Variants in HDAC9 observed in about 807,000 individuals in gnomAD.
HDAC9 encodes the protein histone deacetylase 9, also known as MEF-2 interacting transcription repressor (MITR) protein.
A neutral mutation model predicts 139.4 loss-of-function variants in HDAC9; 41 were observed. The observed-to-expected ratio is 0.29, with a 90% CI of 0.23 to 0.38. The LOEUF (loss-of-function observed/expected upper bound fraction) is 0.38. HDAC9 is among the 10% of genes least tolerant of loss of function. The pLI is 1.00. For missense variants in HDAC9, 1,147 were observed against 1,297.0 expected (o/e 0.88, Z 1.78); for synonymous variants, 517 against 476.2 (o/e 1.09, Z -1.12).
intron 12 of HDAC9, among the ~76,000 whole-genome samples, chr7:18,701,411 AC>A (rs1380517677): frequency 0.1 from 13,906 of 132,672 alleles, 717 homozygotes; most frequent in African/African-American, 0.17. Context: ...AAAAAACAAA[AC>A]AAACAAAAAA....
At chr7:18,957,095 A>G (rs1783204910) in intron 24 of HDAC9, among the ~76,000 whole-genome samples, 1 of 151,824 alleles carries the variant, frequency 6.6e-6, no homozygotes, top group Non-Finnish European at 1.5e-5. Flanking sequence ...ATGTCAGTTG[A>G]GAGGGCTCTG....
intron 21 of HDAC9, among the ~76,000 whole-genome samples, chr7:18,841,826 T>C (rs564462841): frequency 1.3e-4 from 20 of 152,256 alleles, no homozygotes; most frequent in African/African-American, 4.8e-4. Flanking sequence ...TCTCCTCATC[T>C]GACATAGTAA....
intron 2 of HDAC9, among the ~76,000 whole-genome samples, chr7:18,537,976 G>A (rs1436161598): frequency 9.2e-5 from 14 of 152,166 alleles, no homozygotes; most frequent in Admixed American, 7.2e-4. Context: ...TGTGCCCAAC[G>A]TGACCTCTGC....
intron 2 of HDAC9, among the ~76,000 whole-genome samples, chr7:18,555,233 A>T (rs758659262): frequency 1.2e-4 from 19 of 152,198 alleles, no homozygotes; most frequent in Non-Finnish European, 2.4e-4. Context: ...TTACAAGTTC[A>T]TGGTATTTGA....
At chr7:18,459,467 G>A (rs963945403) in intron 1 of HDAC9, among the ~76,000 whole-genome samples, 2 of 151,278 alleles carry the variant, frequency 1.3e-5, no homozygotes, top group African/African-American at 2.4e-5. Flanking sequence ...TATTTTTCTA[G>A]TTTTTTTTTA....
chr7:18,296,568 T>C (rs1585047474), intron 1 of HDAC9, among the ~76,000 whole-genome samples: 1 of 152,290 alleles, frequency 6.6e-6, no homozygotes, highest in East Asian at 1.9e-4. Context: ...AAATATTTTG[T>C]TTCTTGTTTC....
chr7:18,345,472 C>T (rs376736153), intron 1 of HDAC9, among the ~76,000 whole-genome samples: 3 of 151,090 alleles, frequency 2.0e-5, no homozygotes, highest in African/African-American at 4.9e-5. Context: ...AACCACACAG[C>T]GGGATTCAAA....
chr7:18,560,707 C>T (rs945204316), intron 2 of HDAC9, among the ~76,000 whole-genome samples: 2 of 152,104 alleles, frequency 1.3e-5, no homozygotes, highest in Non-Finnish European at 1.5e-5. Flanking sequence ...TAAGCACCCT[C>T]ATTAAAGGCC....
At position 18,975,560 on chromosome 7, in the gene HDAC9, T is replaced by C. The variant is rs565940705; in HGVS notation, c.3023-246T>C. ...GAGGGTGAGTTCAGTAGGCCATGGA[T>C]TATTCCTCACTTTATTGCTGTGTAA... On this transcript the variant is annotated intron_variant, in intron 24 of 25. Coordinates refer to ENST00000686413, the MANE Select transcript of HDAC9 (RefSeq NM_178425.4). Among the ~76,000 whole-genome samples, 4 of 152,280 alleles carry C rather than the reference T, an allele frequency of 2.6e-5. No homozygotes were observed. In the East Asian group the frequency reaches 7.7e-4, roughly 29 times the overall value.
intron 12 of HDAC9, among the ~76,000 whole-genome samples, chr7:18,688,182 A>C (rs911219806): frequency 2.6e-5 from 4 of 151,818 alleles, no homozygotes; most frequent in African/African-American, 9.7e-5. Context: ...TTAGTTTTCA[A>C]CAAGTGGAAT....
chr7:18,735,419 G>GT (rs1292175457), intron 13 of HDAC9, among the ~76,000 whole-genome samples: 1 of 149,600 alleles, frequency 6.7e-6, no homozygotes, highest in African/African-American at 2.6e-5. Context: ...TGTATAAGGT[G>GT]TAAGGAAGGG....
At chr7:18,403,895 A>G (rs1000107589) in intron 1 of HDAC9, among the ~76,000 whole-genome samples, 4 of 152,218 alleles carry the variant, frequency 2.6e-5, no homozygotes, top group African/African-American at 9.7e-5. Flanking sequence ...TACCCTGGGT[A>G]GGGCAGGGTA....
intron 1 of HDAC9, among the ~76,000 whole-genome samples, chr7:18,118,317 T>C (rs1366769655): frequency 6.6e-6 from 1 of 152,184 alleles, no homozygotes; most frequent in Non-Finnish European, 1.5e-5. Context: ...ATGGGAAATA[T>C]AGCAGATCCC....
intron 2 of HDAC9, among the ~76,000 whole-genome samples, chr7:18,506,323 G>A (rs1000260183): frequency 6.6e-6 from 1 of 152,126 alleles, no homozygotes; most frequent in African/African-American, 2.4e-5. Context: ...ACAGGACTCT[G>A]GTTGATGATG....
intron 1 of HDAC9, among the ~76,000 whole-genome samples, chr7:18,466,808 A>T (rs1402236505): frequency 6.6e-6 from 1 of 152,218 alleles, no homozygotes; most frequent in Non-Finnish European, 1.5e-5. Context: ...GCCTGCCACA[A>T]TCTGTGGTCT....
intron 12 of HDAC9, among the ~76,000 whole-genome samples, chr7:18,726,575 A>G (rs954219807): frequency 6.6e-6 from 1 of 152,142 alleles, no homozygotes; most frequent in African/African-American, 2.4e-5. Flanking sequence ...ACCACTGTTC[A>G]GCTATTTTTC....
intron 2 of HDAC9, among the ~76,000 whole-genome samples, chr7:18,530,686 G>A (rs1331172985): frequency 6.6e-6 from 1 of 151,722 alleles, no homozygotes; most frequent in African/African-American, 2.4e-5. Context: ...CTCACCATCT[G>A]GCTCCATCCA....
chr7:18,496,518 G>C (rs1796988888), intron 2 of HDAC9, 194 bp downstream of exon 2: 1 of 554,896 alleles, frequency 1.8e-6, no homozygotes, highest in Admixed American at 3.2e-5. Context: ...GTCTGCTTAG[G>C]GACAGCAGCT....
At chr7:18,835,368 A>G in intron 19 of HDAC9, 99 bp from the exon 20 acceptor site, 1 of 1,272,476 alleles carries the variant, frequency 7.9e-7, no homozygotes. Flanking sequence ...AAAATGAGAA[A>G]GAAAGTGGTA....
Sources: allele counts gnomAD v4.1 joint callset (sites outside exome capture counted in the v4.1 genomes callset), GRCh38; gene constraint gnomAD v4.1.1; transcripts MANE v1.5; gene names NCBI Gene and HGNC (gene_info 2026-07-23, HGNC 2026-07-21).